The following NKAIN3 variants were observed in gnomAD, a reference collection of about 807,000 sequenced individuals.
The protein encoded by NKAIN3 is sodium/potassium-transporting ATPase subunit beta-1-interacting protein 3.
A neutral mutation model predicts 30.2 loss-of-function variants in NKAIN3; 25 were observed. That is an observed-to-expected ratio of 0.83 (90% confidence interval 0.60 to 1.16). The LOEUF (loss-of-function observed/expected upper bound fraction) is 1.16. NKAIN3 is among the 50% of genes most tolerant of loss of function. NKAIN3 has a pLI of 0.00. For missense variants in NKAIN3, 225 were observed against 254.1 expected, an observed-to-expected ratio of 0.89 and a Z score of 0.78; for synonymous variants, 91 against 89.6, an observed-to-expected ratio of 1.02 and a Z score of -0.09.
intron 4 of NKAIN3, among the ~76,000 whole-genome samples, chr8:62,847,856 T>G (rs79408137): frequency 0.01 from 1,564 of 152,294 alleles, 21 homozygotes; most frequent in African/African-American, 0.036. Flanking sequence ...GACTTTTGTA[T>G]ACAATGTAAG....
intron 3 of NKAIN3, among the ~76,000 whole-genome samples, chr8:62,724,611 A>G (rs1815197018): frequency 6.6e-6 from 1 of 152,072 alleles, no homozygotes; most frequent in Non-Finnish European, 1.5e-5. Flanking sequence ...ACCTCCCACA[A>G]ATAAGTGAGA....
At chr8:62,268,057 A>C (rs1196329521) in intron 1 of NKAIN3, among the ~76,000 whole-genome samples, 1 of 152,218 alleles carries the variant, frequency 6.6e-6, no homozygotes, top group East Asian at 1.9e-4. Context: ...TATTAATAAC[A>C]AATCTCATAT....
chr8:62,878,775 C>T (rs1346160133), intron 4 of NKAIN3, among the ~76,000 whole-genome samples: 1 of 149,790 alleles, frequency 6.7e-6, no homozygotes, highest in Admixed American at 6.8e-5. Flanking sequence ...GGTTTTTTGT[C>T]CTTGTGATAG....
At chr8:62,355,363 C>T (rs1356578586) in intron 1 of NKAIN3, among the ~76,000 whole-genome samples, 1 of 152,090 alleles carries the variant, frequency 6.6e-6, no homozygotes, top group Admixed American at 6.6e-5. Context: ...TTCTAAATAT[C>T]CAGGTTGTTT....
At chr8:62,545,949 A>G (rs1357750611) in intron 1 of NKAIN3, among the ~76,000 whole-genome samples, 7 of 152,212 alleles carry the variant, frequency 4.6e-5, no homozygotes, top group Non-Finnish European at 1.0e-4. Context: ...ACTCTTACTA[A>G]TACTGAATAT....
At chr8:62,447,708 T>C (rs1805526784) in intron 1 of NKAIN3, among the ~76,000 whole-genome samples, 1 of 152,032 alleles carries the variant, frequency 6.6e-6, no homozygotes, top group African/African-American at 2.4e-5. Flanking sequence ...GAAGCAGAAA[T>C]TCAGACATTC....
At chr8:62,944,199 G>A (rs1585606162) in intron 5 of NKAIN3, among the ~76,000 whole-genome samples, 2 of 151,750 alleles carry the variant, frequency 1.3e-5, no homozygotes, top group African/African-American at 4.8e-5. Context: ...TCCTATGATG[G>A]CACCTTTTTC....
chr8:62,470,368 C>T (rs1806291224), intron 1 of NKAIN3, among the ~76,000 whole-genome samples: 1 of 152,092 alleles, frequency 6.6e-6, no homozygotes. Context: ...GACCTGATAG[C>T]CATCCACAAA....
At chr8:62,751,521 C>T (rs1449875435) in intron 4 of NKAIN3, among the ~76,000 whole-genome samples, 1 of 152,082 alleles carries the variant, frequency 6.6e-6, no homozygotes, top group Non-Finnish European at 1.5e-5. Context: ...ATTTGCTCCC[C>T]ACACAAGCTA....
Position 62,815,907 on chromosome 8 carries a change from C to T in NKAIN3, c.471+68778C>T, listed in dbSNP as rs541179825. Among the ~76,000 whole-genome samples the T allele has an allele frequency of 1.1e-3, 165 of 152,204 alleles. 1 individual carries two copies. Among genetic ancestry groups the T allele is most frequent in the Middle Eastern group, 6.8e-3 (2 of 294 alleles). ...GTTTGATTCTGTTTTATATCTATCTCTTTGTTGAATTTTTCATTGAGATCA... is the reference window on the plus strand; with the variant it reads ...GTTTGATTCTGTTTTATATCTATCTTTTTGTTGAATTTTTCATTGAGATCA... On this transcript the variant is annotated intron_variant, in intron 4 of 6. Transcript: ENST00000623646.
At chr8:62,323,681 G>C (rs1354738819) in intron 1 of NKAIN3, among the ~76,000 whole-genome samples, 1 of 152,072 alleles carries the variant, frequency 6.6e-6, no homozygotes, top group African/African-American at 2.4e-5. Flanking sequence ...CTTGACACAA[G>C]TGCCTCCATT....
intron 3 of NKAIN3, among the ~76,000 whole-genome samples, chr8:62,704,333 C>T (rs1267749776): frequency 1.3e-5 from 2 of 151,666 alleles, no homozygotes; most frequent in African/African-American, 2.4e-5. Context: ...TATTTTAATC[C>T]TCCTCCATAG....
chr8:62,938,357 T>C (rs6998143), intron 5 of NKAIN3, among the ~76,000 whole-genome samples: 76,062 of 151,916 alleles, frequency 0.5, 19,618 homozygotes, highest in African/African-American at 0.61. Context: ...AAACAACAGC[T>C]AATTTCACCA....
chr8:62,765,246 C>CAAAAAAAAAA (rs34477671), intron 4 of NKAIN3, among the ~76,000 whole-genome samples: 9 of 42,396 alleles, frequency 2.1e-4, no homozygotes, highest in Middle Eastern at 0.015. Context: ...GACTCCATCT[C>CAAAAAAAAAA]AAAAAAAAAA....
At chr8:62,619,233 T>G (rs1811552112) in intron 3 of NKAIN3, among the ~76,000 whole-genome samples, 2 of 152,226 alleles carry the variant, frequency 1.3e-5, no homozygotes, top group South Asian at 4.1e-4. Flanking sequence ...GTCACTTACC[T>G]TAAGAAGGGG....
At chr8:62,568,074 G>A (rs1019418516) in intron 1 of NKAIN3, among the ~76,000 whole-genome samples, 1 of 152,154 alleles carries the variant, frequency 6.6e-6, no homozygotes, top group South Asian at 2.1e-4. Context: ...GTAAACACTT[G>A]AGGAAGAAAT....
intron 1 of NKAIN3, among the ~76,000 whole-genome samples, chr8:62,495,688 A>C (rs1807216914): frequency 6.6e-6 from 1 of 152,090 alleles, no homozygotes; most frequent in Non-Finnish European, 1.5e-5. Flanking sequence ...ATAGATTTTT[A>C]AACTATCATT....
intron 4 of NKAIN3, among the ~76,000 whole-genome samples, chr8:62,775,267 A>G (rs1361154077): frequency 6.6e-6 from 1 of 151,762 alleles, no homozygotes; most frequent in Non-Finnish European, 1.5e-5. Context: ...CTTCATCTCT[A>G]ATTTTATTTA....
chr8:62,324,378 A>G (rs1368527654), intron 1 of NKAIN3, among the ~76,000 whole-genome samples: 38 of 152,124 alleles, frequency 2.5e-4, no homozygotes, highest in Non-Finnish European at 5.9e-5. Flanking sequence ...ACCTAAAAAT[A>G]TGTTTATAAG....
Sources: gnomAD v4.1 joint callset for allele counts (sites outside exome capture counted in the v4.1 genomes callset) on GRCh38, gnomAD v4.1.1 for gene constraint, MANE v1.5 for transcripts, NCBI Gene and HGNC (gene_info 2026-07-23, HGNC 2026-07-21) for gene names.